GLIS3: variants seen among roughly 807,000 people sequenced by gnomAD.
The protein encoded by GLIS3 is GLIS family zinc finger 3.
In GLIS3, 53 loss-of-function variants were observed where a neutral mutation model predicts 78.6. The ratio of observed to expected loss-of-function variants is 0.67; its 90% CI spans 0.54 to 0.85. The LOEUF (loss-of-function observed/expected upper bound fraction) is 0.85. Ranked by LOEUF, GLIS3 falls within the 40% of genes least tolerant of loss-of-function variation. The pLI, the probability that GLIS3 is intolerant of heterozygous loss-of-function variation, is 0.00. For synonymous variants in GLIS3, 684 were observed against 509.9 expected (o/e 1.34, Z -4.60); for missense variants, 1,703 against 1,231.1 (o/e 1.38, Z -5.74).
chr9:4,408,604 G>T, the GLIS3 span, among the ~76,000 whole-genome samples: 1 of 148,320 alleles, frequency 6.7e-6, no homozygotes, highest in Non-Finnish European at 1.5e-5. Context: ...GCGGGCGCCT[G>T]TAGTCCCAGG....
intron 9 of GLIS3, among the ~76,000 whole-genome samples, chr9:3,853,572 T>C (rs912258): frequency 0.88 from 134,232 of 152,202 alleles, 59,936 homozygotes; most frequent in Non-Finnish European, 0.96. Context: ...AGGTGCTTTT[T>C]TTGTCAAATC....
intron 1 of GLIS3, among the ~76,000 whole-genome samples, chr9:4,296,014 A>C (rs1816466251): frequency 6.6e-6 from 1 of 152,176 alleles, no homozygotes; most frequent in African/African-American, 2.4e-5. Flanking sequence ...AGGGAAAAGT[A>C]AAACAGTTAA....
chr9:4,419,735 A>G, the GLIS3 span, among the ~76,000 whole-genome samples: 51 of 152,248 alleles, frequency 3.3e-4, 1 homozygote, highest in South Asian at 7.3e-3. Context: ...AGCCGAGATC[A>G]CGCCACTGCA....
the GLIS3 span, chr9:4,386,377 ATTTTC>A: frequency 1.0e-5 from 1 of 95,652 alleles, no homozygotes; most frequent in Non-Finnish European, 2.1e-5. Context: ...GTTTTTCTTC[ATTTTC>A]TTTTCTTTTT....
intron 6 of GLIS3, among the ~76,000 whole-genome samples, chr9:3,930,082 T>C (rs1376109069): frequency 6.6e-6 from 1 of 152,256 alleles, no homozygotes; most frequent in Non-Finnish European, 1.5e-5. Context: ...ATTTCCTTTT[T>C]CTGTTGGATG....
At chr9:4,333,745 A>ACCCCCCCCCCCCCCCCCCCCT (rs1192940737) in intron 2 of GLIS3, among the ~76,000 whole-genome samples, 1 of 45,428 alleles carries the variant, frequency 2.2e-5, no homozygotes. Context: ...GCCCCCCCCC[A>ACCCCCCCCCCCCCCCCCCCCT]CCCCCCGCAA....
At chr9:4,270,602 T>A (rs1826412898) in intron 2 of GLIS3, among the ~76,000 whole-genome samples, 1 of 152,204 alleles carries the variant, frequency 6.6e-6, no homozygotes, top group Non-Finnish European at 1.5e-5. Context: ...CACACAGGCC[T>A]TTCCAGCATG....
chr9:4,475,162 A>G, the GLIS3 span, among the ~76,000 whole-genome samples: 1 of 151,770 alleles, frequency 6.6e-6, no homozygotes, highest in African/African-American at 2.4e-5. Flanking sequence ...CCTGGCCAAA[A>G]TTTTCAAATT....
intron 8 of GLIS3, among the ~76,000 whole-genome samples, chr9:3,871,179 C>G (rs1281219321): frequency 6.6e-6 from 1 of 152,218 alleles, no homozygotes; most frequent in Non-Finnish European, 1.5e-5. Context: ...GAGGTGGGTT[C>G]CCATGGTCTT....
At chr9:3,991,906 A>G (rs1751569) in intron 4 of GLIS3, among the ~76,000 whole-genome samples, 39,583 of 151,688 alleles carry the variant, frequency 0.26, 6,811 homozygotes, top group African/African-American at 0.49. Flanking sequence ...TGGCCAGGAC[A>G]GTCTTGATCT....
intron 5 of GLIS3, among the ~76,000 whole-genome samples, chr9:3,935,612 A>C (rs965523040): frequency 9.2e-5 from 14 of 152,354 alleles, no homozygotes; most frequent in African/African-American, 3.1e-4. Context: ...ATCTTGTCTC[A>C]TAAATGTTCA....
At chr9:4,229,561 A>T (rs1822076331) in intron 2 of GLIS3, among the ~76,000 whole-genome samples, 1 of 152,250 alleles carries the variant, frequency 6.6e-6, no homozygotes, top group African/African-American at 2.4e-5. Flanking sequence ...CGGTACATTT[A>T]AAAGTGCCCT....
chr9:4,098,620 G>A (rs1250592141), intron 4 of GLIS3, among the ~76,000 whole-genome samples: 1 of 152,080 alleles, frequency 6.6e-6, no homozygotes, highest in Admixed American at 6.6e-5. Flanking sequence ...AAAACCATCG[G>A]TGTAGTTCTA....
the GLIS3 span, among the ~76,000 whole-genome samples, chr9:4,431,531 C>A: frequency 6.6e-6 from 1 of 152,108 alleles, no homozygotes. Context: ...AGTCCAGAGG[C>A]TGGCAAATGT....
chr9:4,329,339 A>G (rs1817649420), intron 2 of GLIS3, among the ~76,000 whole-genome samples: 1 of 152,170 alleles, frequency 6.6e-6, no homozygotes, highest in Non-Finnish European at 1.5e-5. Flanking sequence ...CTTGTTTCCG[A>G]TAATTAATGT....
At chr9:4,003,003 A>G (rs1254071046) in intron 4 of GLIS3, among the ~76,000 whole-genome samples, 1 of 152,204 alleles carries the variant, frequency 6.6e-6, no homozygotes, top group Admixed American at 6.5e-5. Context: ...TTGTGAGAAC[A>G]ATATTTGTTT....
intron 9 of GLIS3, among the ~76,000 whole-genome samples, chr9:3,840,582 GA>G (rs1234561995): frequency 6.6e-6 from 1 of 152,138 alleles, no homozygotes; most frequent in Non-Finnish European, 1.5e-5. Context: ...ACTCTACTAA[GA>G]AAGAGGAAGA....
chr9:4,199,348 A>T (rs1286695587), intron 2 of GLIS3, among the ~76,000 whole-genome samples: 1 of 152,146 alleles, frequency 6.6e-6, no homozygotes, highest in Non-Finnish European at 1.5e-5. Flanking sequence ...CATAGGCTCA[A>T]AGTAAAGGTT....
At chr9:4,424,966 G>C in the GLIS3 span, among the ~76,000 whole-genome samples, 2 of 152,042 alleles carry the variant, frequency 1.3e-5, no homozygotes, top group Non-Finnish European at 2.9e-5. Context: ...GCTGAAACTT[G>C]AGGCTTCTGG....
Sources: gnomAD v4.1 joint callset for allele counts (sites outside exome capture counted in the v4.1 genomes callset) on GRCh38, gnomAD v4.1.1 for gene constraint, MANE v1.5 for transcripts, NCBI Gene and HGNC (gene_info 2026-07-23, HGNC 2026-07-21) for gene names.